The following STAB2 variants were observed in gnomAD, a reference collection of about 807,000 sequenced individuals.
STAB2 encodes the protein stabilin 2.
A neutral mutation model predicts 338.1 loss-of-function variants in STAB2; 288 were observed. The observed-to-expected ratio is 0.85, with a 90% CI of 0.77 to 0.94. STAB2 has a LOEUF of 0.94. STAB2 is among the 40% of genes least tolerant of loss of function. The pLI is 0.00. For missense variants in STAB2, 3,141 were observed against 3,210.1 expected (o/e 0.98, Z 0.52); for synonymous variants, 1,202 against 1,193.3 (o/e 1.01, Z -0.15).
At chr12:103,712,628 A>AT (rs1177361414) in intron 41 of STAB2, among the ~76,000 whole-genome samples, 185 bp downstream of exon 41, 7 of 152,172 alleles carry the variant, frequency 4.6e-5, no homozygotes, top group African/African-American at 1.7e-4. Flanking sequence ...CCTTGACCAC[A>AT]ATTGGGATCA....
At chr12:103,597,007 A>G (rs535717946) in intron 3 of STAB2, among the ~76,000 whole-genome samples, 2 of 151,768 alleles carry the variant, frequency 1.3e-5, no homozygotes, top group Non-Finnish European at 2.9e-5. Flanking sequence ...TGAATGTTCA[A>G]ACATTTCCTT....
intron 44 of STAB2, among the ~76,000 whole-genome samples, chr12:103,722,439 T>C (rs182071970): frequency 1.8e-4 from 27 of 152,260 alleles, no homozygotes; most frequent in Middle Eastern, 3.4e-3. Context: ...TGGAGGCTTG[T>C]GTAAAAGTGG....
chr12:103,666,293 C>T lies in STAB2; in HGVS notation c.2025C>T (p.Gly675=). 6.2e-7 allele frequency: 1 copy of T among 1,614,002 alleles called. No individual in the cohort carries two copies. The highest frequency in any genetic ancestry group is 8.5e-7 in the Non-Finnish European group (1 of 1,180,008). The change falls in exon 19 of 69, where the codon GGC becomes GGT. Residue 675 remains glycine, a splice_region_variant and synonymous_variant. Transcript: ENST00000388887. ...CDETKREMKL[G]TCVSCSLVYW... ...TGACCTCCTGTCTCTCCCTCCAGGG[C>T]ACTTGTGTGAGCTGTTCTCTGGTGT... is the stretch of plus-strand genomic sequence containing the variant.
At chr12:103,666,719 G>T (rs192365161) in intron 19 of STAB2, among the ~76,000 whole-genome samples, 3 of 152,300 alleles carry the variant, frequency 2.0e-5, no homozygotes, top group Admixed American at 1.3e-4. Context: ...CTTTTGGGTG[G>T]TACTGGCATA....
intron 44 of STAB2, 46 bp downstream of exon 44, chr12:103,717,887 G>A (rs1049698284): frequency 5.0e-6 from 8 of 1,605,024 alleles, no homozygotes. Flanking sequence ...TCAGAGCCCA[G>A]GGTGCCTCCC....
intron 63 of STAB2, among the ~76,000 whole-genome samples, chr12:103,757,030 T>TATATAA (rs1368294869): frequency 2.1e-5 from 3 of 143,070 alleles, no homozygotes; most frequent in East Asian, 2.0e-4. Context: ...TATATATATA[T>TATATAA]AAAATATATA....
intron 25 of STAB2, 137 bp downstream of exon 25, chr12:103,677,748 A>G: frequency 9.6e-7 from 1 of 1,044,104 alleles, no homozygotes; most frequent in Non-Finnish European, 1.3e-6. Context: ...ACATGGGTTC[A>G]TTGCCACAAC....
chr12:103,723,012 G>A (rs1211345234), intron 44 of STAB2, among the ~76,000 whole-genome samples: 1 of 152,202 alleles, frequency 6.6e-6, no homozygotes, highest in Non-Finnish European at 1.5e-5. Context: ...TGTTAAATAA[G>A]GAAAGCACAG....
At chr12:103,758,994 C>A in intron 64 of STAB2, 139 bp from the exon 65 acceptor site, 1 of 1,436,716 alleles carries the variant, frequency 7.0e-7, no homozygotes, top group Non-Finnish European at 9.6e-7. Flanking sequence ...CTAAGAAAAC[C>A]TTGACATTTC....
Position 103,652,649 on chromosome 12 carries a change from A to C in STAB2, c.1351A>C (p.Thr451Pro), listed in dbSNP as rs539036556. 6.2e-7 allele frequency: 1 copy of C among 1,609,144 alleles called. No individual in the cohort carries two copies. The highest frequency in any genetic ancestry group is 2.2e-5 in the East Asian group (1 of 44,750). Residue 451 changes from threonine (T) to proline (P), a missense_variant, in exon 12 of 69, where the codon ACA becomes CCA. Transcript: ENST00000388887. Reference protein sequence around the residue: ...GQMNIEYMNNTDMFYTLTGKS... With the variant: ...GQMNIEYMNNPDMFYTLTGKS... ...GATGAACATCGAATATATGAATAAC[A>C]CAGACATGTTCTACACCTTGACTGG...
In STAB2 at chr12:103,696,140, C is replaced by A. The variant is rs115442243; in HGVS notation, c.3582+296C>A. ...TATGTAAATATGAACAAAGGAAGCC[C>A]AAACCCACAGGTGCTTGGCCTGTTT... On this transcript the variant is annotated intron_variant, in intron 33 of 68. Transcript: ENST00000388887. Among the ~76,000 whole-genome samples the A allele has an allele frequency of 3.1e-3, 474 of 152,178 alleles. 3 individuals carry two copies. Among genetic ancestry groups the A allele is most frequent in the African/African-American group, 0.011 (455 of 41,500 alleles).
At chr12:103,744,150 CT>C (rs35188722) in intron 56 of STAB2, among the ~76,000 whole-genome samples, 91,324 of 148,960 alleles carry the variant, frequency 0.61, 28,727 homozygotes, top group African/African-American at 0.76. Flanking sequence ...TTTAATGTTA[CT>C]TTTTTTTTTT....
chr12:103,759,371 A>C, intron 65 of STAB2, 98 bp downstream of exon 65: 1 of 1,491,448 alleles, frequency 6.7e-7, no homozygotes. Context: ...TATTATGCAA[A>C]CATAAACTCT....
chr12:103,614,511 C>A (rs562807420), intron 3 of STAB2, among the ~76,000 whole-genome samples: 1 of 152,314 alleles, frequency 6.6e-6, no homozygotes, highest in African/African-American at 2.4e-5. Flanking sequence ...TGTACAAAAT[C>A]TCCCTATGAA....
intron 39 of STAB2, among the ~76,000 whole-genome samples, chr12:103,711,108 T>C (rs972563876): frequency 1.3e-5 from 2 of 152,164 alleles, no homozygotes; most frequent in Non-Finnish European, 2.9e-5. Flanking sequence ...AAGAATAGCA[T>C]AGGAAATACA....
chr12:103,598,721 A>T (rs1956912357), intron 3 of STAB2, among the ~76,000 whole-genome samples: 1 of 152,184 alleles, frequency 6.6e-6, no homozygotes, highest in South Asian at 2.1e-4. Flanking sequence ...TAAAATGAGG[A>T]TTCCTCATAC....
chr12:103,707,571 T>C (rs887005004), intron 38 of STAB2, among the ~76,000 whole-genome samples: 2 of 152,336 alleles, frequency 1.3e-5, no homozygotes, highest in Admixed American at 1.3e-4. Flanking sequence ...AGACACATGC[T>C]TTAAGTAGTT....
In STAB2 at chr12:103,737,795, C is replaced by T; in HGVS notation, c.5697+15C>T. The T allele has an allele frequency of 6.2e-7, 1 of 1,613,510 alleles. No individual in the cohort carries two copies. The highest frequency in any genetic ancestry group is 8.5e-7 in the Non-Finnish European group (1 of 1,179,844). On this transcript the variant is annotated intron_variant, in intron 53 of 68. Transcript: ENST00000388887. ...TCGATGCCTCGGTCAGTCCTAAAAACAACAGTGTAGTAAGAGAACCTTAAG... is the reference window on the plus strand; with the variant it reads ...TCGATGCCTCGGTCAGTCCTAAAAATAACAGTGTAGTAAGAGAACCTTAAG...
rs60330153 is a variant in STAB2, at chr12:103,732,213, G to A, written c.5283+578G>A. ...AGTTCCAGCTACTTAGGAGGGTGAGGCAGGAGAATCACTTGAACCCAGGAA... is the reference window on the plus strand; with the variant it reads ...AGTTCCAGCTACTTAGGAGGGTGAGACAGGAGAATCACTTGAACCCAGGAA... On this transcript the variant is annotated intron_variant, in intron 50 of 68. Transcript: ENST00000388887. 2.0e-3 allele frequency among the ~76,000 whole-genome samples: 307 copies of A among 152,234 alleles called. 7 individuals are homozygous for A. The East Asian group carries it at 0.055, about 27-fold the overall frequency.
Sources: allele counts gnomAD v4.1 joint callset (sites outside exome capture counted in the v4.1 genomes callset), GRCh38; gene constraint gnomAD v4.1.1; transcripts MANE v1.5; gene names NCBI Gene and HGNC (gene_info 2026-07-23, HGNC 2026-07-21).